Variants in BCKDHB observed in about 807,000 individuals in gnomAD.
BCKDHB encodes 2-oxoisovalerate dehydrogenase subunit beta, mitochondrial.
A neutral mutation model predicts 48.5 loss-of-function variants in BCKDHB; 41 were observed. That is an observed-to-expected ratio of 0.85 (90% CI 0.66 to 1.10). BCKDHB has a LOEUF of 1.10. Ranked by LOEUF, BCKDHB falls within the 50% of genes least tolerant of loss-of-function variation. The pLI is 0.00. For synonymous variants in BCKDHB, 201 were observed against 174.8 expected (o/e 1.15, Z -1.18); for missense variants, 496 against 494.2 (o/e 1.00, Z -0.03).
intron 8 of BCKDHB, among the ~76,000 whole-genome samples, chr6:80,212,555 CAT>C (rs552369823): frequency 9.9e-4 from 150 of 152,254 alleles, no homozygotes; most frequent in African/African-American, 3.2e-3. Context: ...TTCAAACACA[CAT>C]GTTTTACAAT....
intron 9 of BCKDHB, among the ~76,000 whole-genome samples, chr6:80,324,198 G>C (rs1768909520): frequency 6.6e-6 from 1 of 152,184 alleles, no homozygotes; most frequent in Non-Finnish European, 1.5e-5. Flanking sequence ...GCAGTGAGCT[G>C]GTTCTCAGTC....
intron 9 of BCKDHB, among the ~76,000 whole-genome samples, chr6:80,278,208 T>G (rs1481351818): frequency 6.6e-6 from 1 of 152,204 alleles, no homozygotes; most frequent in Admixed American, 6.5e-5. Flanking sequence ...ATACAAAACC[T>G]TTCCTAATAG....
At chr6:80,107,500 C>T (rs1314334507) in intron 1 of BCKDHB, among the ~76,000 whole-genome samples, 1 of 114,314 alleles carries the variant, frequency 8.7e-6, no homozygotes, top group Non-Finnish European at 1.6e-5. Flanking sequence ...CATATATATG[C>T]ATATATATGT....
At chr6:80,334,742 T>A (rs991882514) in intron 9 of BCKDHB, among the ~76,000 whole-genome samples, 28 of 152,018 alleles carry the variant, frequency 1.8e-4, no homozygotes, top group African/African-American at 6.8e-4. Flanking sequence ...GTCTTTTTTA[T>A]GTTTAGCAAG....
the BCKDHB span, among the ~76,000 whole-genome samples, chr6:80,351,727 C>T: frequency 2.7e-5 from 4 of 148,578 alleles, no homozygotes; most frequent in Non-Finnish European, 5.9e-5. Context: ...ACTTCAGCCT[C>T]GACCTCATGG....
At chr6:80,232,840 A>G (rs1000882374) in intron 8 of BCKDHB, among the ~76,000 whole-genome samples, 1 of 151,536 alleles carries the variant, frequency 6.6e-6, no homozygotes, top group Non-Finnish European at 1.5e-5. Context: ...CTTTATGGCA[A>G]GCATATTAAA....
intron 3 of BCKDHB, among the ~76,000 whole-genome samples, chr6:80,162,307 T>G (rs1327274838): frequency 1.3e-5 from 2 of 152,190 alleles, no homozygotes; most frequent in African/African-American, 4.8e-5. Flanking sequence ...TAAGCTCTTA[T>G]CACTGCATAT....
chr6:80,245,955 TGGTCCA>T (rs1776593470), intron 8 of BCKDHB, among the ~76,000 whole-genome samples: 1 of 152,080 alleles, frequency 6.6e-6, no homozygotes, highest in South Asian at 2.1e-4. Context: ...TATGTGCCTG[TGGTCCA>T]GCTACTCGGG....
At chr6:80,446,774 A>T in the BCKDHB span, among the ~76,000 whole-genome samples, 1 of 139,176 alleles carries the variant, frequency 7.2e-6, no homozygotes, top group African/African-American at 2.8e-5. Context: ...ACAGACTAAG[A>T]GTATTTAGCG....
At chr6:80,170,832 TA>T (rs370357891) in intron 5 of BCKDHB, among the ~76,000 whole-genome samples, 5 of 152,188 alleles carry the variant, frequency 3.3e-5, no homozygotes, top group African/African-American at 1.2e-4. Context: ...ATGAAGACCA[TA>T]TTTTTTTTCA....
chr6:80,211,824 C>T (rs1286894277), intron 8 of BCKDHB, among the ~76,000 whole-genome samples: 1 of 152,102 alleles, frequency 6.6e-6, no homozygotes, highest in East Asian at 1.9e-4. Flanking sequence ...AGCTGGGCCA[C>T]CGGGGGTGAC....
the BCKDHB span, among the ~76,000 whole-genome samples, chr6:80,412,497 ATAAT>A: frequency 9.2e-5 from 14 of 152,198 alleles, no homozygotes; most frequent in East Asian, 1.9e-4. Flanking sequence ...TATTGTAGTT[ATAAT>A]TAGTTTCAAC....
At chr6:80,188,600 A>G (rs1195536622) in intron 6 of BCKDHB, among the ~76,000 whole-genome samples, 1 of 151,982 alleles carries the variant, frequency 6.6e-6, no homozygotes, top group Non-Finnish European at 1.5e-5. Context: ...AGATTGCACC[A>G]CTGCACTCCA....
intron 1 of BCKDHB, among the ~76,000 whole-genome samples, chr6:80,112,001 C>T (rs1228487178): frequency 2.0e-5 from 3 of 152,130 alleles, no homozygotes; most frequent in African/African-American, 7.2e-5. Context: ...GGCACATGAC[C>T]AGTAAGTACT....
chr6:80,376,560 T>G, the BCKDHB span, among the ~76,000 whole-genome samples: 4 of 152,202 alleles, frequency 2.6e-5, no homozygotes, highest in African/African-American at 9.7e-5. Context: ...TATGTTCTTG[T>G]GGTAGTTCTT....
chr6:80,395,402 G>A, the BCKDHB span, among the ~76,000 whole-genome samples: 1 of 152,222 alleles, frequency 6.6e-6, no homozygotes, highest in Non-Finnish European at 1.5e-5. Flanking sequence ...GGTGATGTCA[G>A]ATGGAGAAGG....
At chr6:80,194,020 A>G (rs1302943820) in intron 6 of BCKDHB, among the ~76,000 whole-genome samples, 1 of 152,144 alleles carries the variant, frequency 6.6e-6, no homozygotes, top group African/African-American at 2.4e-5. Context: ...CTTCATTTGT[A>G]CTAGCATTTC....
chr6:80,123,094 G>T (rs1770130569), intron 1 of BCKDHB, among the ~76,000 whole-genome samples: 1 of 151,376 alleles, frequency 6.6e-6, no homozygotes, highest in Non-Finnish European at 1.5e-5. Flanking sequence ...TCTGCAAGAA[G>T]AAAAATATGG....
At chr6:80,113,421 G>A (rs981052122) in intron 1 of BCKDHB, among the ~76,000 whole-genome samples, 79 of 152,326 alleles carry the variant, frequency 5.2e-4, no homozygotes, top group African/African-American at 1.8e-3. Context: ...CAAACTGGGC[G>A]GTGGTGGTCA....
Sources: allele counts gnomAD v4.1 joint callset (sites outside exome capture counted in the v4.1 genomes callset), GRCh38; gene constraint gnomAD v4.1.1; transcripts MANE v1.5; gene names NCBI Gene and HGNC (gene_info 2026-07-23, HGNC 2026-07-21).